Variants in MECOM observed in about 807,000 individuals in gnomAD.
MECOM encodes the protein histone-lysine N-methyltransferase MECOM.
In MECOM, 13 loss-of-function variants were observed where a neutral mutation model predicts 116.3. The ratio of observed to expected loss-of-function variants is 0.11; its 90% confidence interval spans 0.07 to 0.18. The LOEUF is 0.18. MECOM is among the 10% of genes least tolerant of loss of function. The probability of loss-of-function intolerance (pLI) is 1.00; values close to 1 mark genes in which losing one functional copy is unlikely to be tolerated. For missense variants in MECOM, 1,299 were observed against 1,509.0 expected, an observed-to-expected ratio of 0.86 and a Z score of 2.31; for synonymous variants, 528 against 535.2, an observed-to-expected ratio of 0.99 and a Z score of 0.19.
intron 1 of MECOM, among the ~76,000 whole-genome samples, chr3:169,395,291 T>C (rs982558543): frequency 3.2e-4 from 48 of 152,188 alleles, no homozygotes; most frequent in African/African-American, 1.1e-3. Flanking sequence ...TTCAATGTGA[T>C]TGTGTTGAGT....
Position 169,316,191 on chromosome 3 carries a change from T to C in MECOM, c.375+64996A>G, listed in dbSNP as rs149910962. Among the ~76,000 whole-genome samples, 940 of 152,340 alleles carry C rather than the reference T, an allele frequency of 6.2e-3. 6 individuals carry two copies. Among genetic ancestry groups the C allele is most frequent in the African/African-American group, 0.021 (885 of 41,582 alleles). On this transcript the variant is annotated intron_variant, in intron 2 of 16. Coordinates refer to ENST00000651503, the MANE Select transcript of MECOM (RefSeq NM_004991.4). ...ATGGCATCCACTGTTTAGTGTTGTA[T>C]AATTTACAAACTTCTGTTCTTTCGA...
intron 1 of MECOM, among the ~76,000 whole-genome samples, chr3:169,399,375 C>T (rs994460021): frequency 1.3e-5 from 2 of 152,176 alleles, no homozygotes; most frequent in Admixed American, 6.5e-5. Flanking sequence ...ATTGCCACCA[C>T]GGGAAGAGGT....
At chr3:169,309,083 A>G (rs1010205917) in intron 2 of MECOM, among the ~76,000 whole-genome samples, 18 of 152,200 alleles carry the variant, frequency 1.2e-4, no homozygotes, top group African/African-American at 4.3e-4. Context: ...AGCCAAAAAT[A>G]ATATATTTTG....
At chr3:169,225,257 C>T (rs929724756) in intron 2 of MECOM, among the ~76,000 whole-genome samples, 4 of 152,074 alleles carry the variant, frequency 2.6e-5, no homozygotes, top group African/African-American at 9.7e-5. Context: ...GAGAGCTATT[C>T]GGATTTTATG....
chr3:169,576,967 T>C (rs1764591314), intron 1 of MECOM, among the ~76,000 whole-genome samples: 1 of 152,132 alleles, frequency 6.6e-6, no homozygotes, highest in South Asian at 2.1e-4. Context: ...AAGATAGATA[T>C]ATGCTAGGGG....
At chr3:169,216,722 TTAAG>T (rs1458084985) in intron 2 of MECOM, among the ~76,000 whole-genome samples, 1 of 152,074 alleles carries the variant, frequency 6.6e-6, no homozygotes, top group African/African-American at 2.4e-5. Flanking sequence ...CAATATATTG[TTAAG>T]TAAGAAAAAT....
At chr3:169,518,075 T>C (rs1402829002) in intron 1 of MECOM, among the ~76,000 whole-genome samples, 2 of 152,044 alleles carry the variant, frequency 1.3e-5, no homozygotes, top group African/African-American at 2.4e-5. Flanking sequence ...CTGGCTAACA[T>C]GGTGATACCC....
At chr3:169,346,378 C>CT (rs528729339) in intron 2 of MECOM, among the ~76,000 whole-genome samples, 221 of 152,184 alleles carry the variant, frequency 1.5e-3, no homozygotes, top group Middle Eastern at 0.01. Context: ...CTGCAGGTCT[C>CT]TTTTTAATTT....
At chr3:169,481,895 T>G (rs757875750) in intron 1 of MECOM, among the ~76,000 whole-genome samples, 16 of 152,214 alleles carry the variant, frequency 1.1e-4, no homozygotes, top group Non-Finnish European at 2.2e-4. Context: ...CTGCCCCAAC[T>G]GGAATTCCCA....
chr3:169,279,370 C>A (rs1005833378), intron 2 of MECOM, among the ~76,000 whole-genome samples: 1 of 152,152 alleles, frequency 6.6e-6, no homozygotes, highest in African/African-American at 2.4e-5. Flanking sequence ...CCTCCTTCCC[C>A]CCACTACACA....
chr3:169,157,429 A>G (rs1187828756), intron 2 of MECOM, among the ~76,000 whole-genome samples: 1 of 152,242 alleles, frequency 6.6e-6, no homozygotes, highest in Non-Finnish European at 1.5e-5. Flanking sequence ...ACACTTAAAA[A>G]ATAAAGTAAC....
Position 169,610,571 on chromosome 3 carries a change from G to C in MECOM, c.37+52765C>G, listed in dbSNP as rs76839368. 9.8e-3 allele frequency among the ~76,000 whole-genome samples: 1,492 copies of C among 151,872 alleles called. 25 individuals carry two copies. The highest frequency in any genetic ancestry group is 0.033 in the African/African-American group (1,351 of 41,376). ...CAGATGGGATACTGAGCACAGAGGC[G>C]TCAAACAATTTTCCCAAACTCATAC... On this transcript the variant is annotated intron_variant, in intron 1 of 16. Transcript: ENST00000651503.
chr3:169,444,672 G>A (rs1744307534), intron 1 of MECOM, among the ~76,000 whole-genome samples: 1 of 152,166 alleles, frequency 6.6e-6, no homozygotes, highest in Non-Finnish European at 1.5e-5. Flanking sequence ...AGAGTGGGGT[G>A]TTGCTGAAAA....
chr3:169,445,625 G>A (rs1744497034), intron 1 of MECOM, among the ~76,000 whole-genome samples: 1 of 152,184 alleles, frequency 6.6e-6, no homozygotes, highest in South Asian at 2.1e-4. Flanking sequence ...TCCCTACCGG[G>A]ACACTTTCTA....
At chr3:169,265,043 A>AT (rs1364631943) in intron 2 of MECOM, among the ~76,000 whole-genome samples, 1 of 152,210 alleles carries the variant, frequency 6.6e-6, no homozygotes, top group African/African-American at 2.4e-5. Flanking sequence ...GAAAAAAAAA[A>AT]AAGTTAGATA....
chr3:169,171,449 T>C (rs1400719309), intron 2 of MECOM, among the ~76,000 whole-genome samples: 1 of 152,158 alleles, frequency 6.6e-6, no homozygotes, highest in Non-Finnish European at 1.5e-5. Context: ...AGGTATCCAA[T>C]ACATATTTGA....
At chr3:169,576,838 C>CACACACAGAGAGAG (rs368016499) in intron 1 of MECOM, among the ~76,000 whole-genome samples, 12 of 125,110 alleles carry the variant, frequency 9.6e-5, no homozygotes, top group Admixed American at 4.1e-4. Context: ...CACACACACA[C>CACACACAGAGAGAG]AGAGAGAGAG....
intron 2 of MECOM, among the ~76,000 whole-genome samples, chr3:169,214,903 A>T (rs913332267): frequency 6.8e-6 from 1 of 148,050 alleles, no homozygotes; most frequent in Non-Finnish European, 1.5e-5. Context: ...CAAAATCTAC[A>T]TTATAAATAT....
At chr3:169,322,997 TAAAAAAAAAA>T (rs748984561) in intron 2 of MECOM, among the ~76,000 whole-genome samples, 22 of 56,048 alleles carry the variant, frequency 3.9e-4, no homozygotes, top group African/African-American at 9.8e-4. Context: ...AAGACTCCGG[TAAAAAAAAAA>T]AAAAAAAAAA....
Sources: gnomAD v4.1 joint callset for allele counts (sites outside exome capture counted in the v4.1 genomes callset) on GRCh38, gnomAD v4.1.1 for gene constraint, MANE v1.5 for transcripts, NCBI Gene and HGNC (gene_info 2026-07-23, HGNC 2026-07-21) for gene names.